TTLL1: variants seen among roughly 807,000 people sequenced by gnomAD.
TTLL1 encodes the protein polyglutamylase complex subunit TTLL1.
TTLL1 carries 33 observed loss-of-function variants against 47.8 expected under a neutral mutation model. The observed-to-expected ratio is 0.69, with a 90% CI of 0.52 to 0.92. The LOEUF (loss-of-function observed/expected upper bound fraction) is 0.92. TTLL1 is among the 40% of genes least tolerant of loss of function. TTLL1 has a pLI of 0.00. For synonymous variants in TTLL1, 225 were observed against 214.1 expected, an observed-to-expected ratio of 1.05 and a Z score of -0.45; for missense variants, 488 against 547.5, an observed-to-expected ratio of 0.89 and a Z score of 1.08.
At chr22:43,080,463 C>T (rs1331690028) in intron 1 of TTLL1, among the ~76,000 whole-genome samples, 1 of 152,084 alleles carries the variant, frequency 6.6e-6, no homozygotes, top group Non-Finnish European at 1.5e-5. Flanking sequence ...TAAGAGTCTT[C>T]CCATTACAGT....
chr22:43,047,818 T>A (rs1259208736), intron 9 of TTLL1, among the ~76,000 whole-genome samples: 1 of 152,088 alleles, frequency 6.6e-6, no homozygotes, highest in African/African-American at 2.4e-5. Context: ...ATGACCTTGG[T>A]TAGCTGTTTC....
At chr22:43,065,427 T>C (rs1430134565) in intron 5 of TTLL1, among the ~76,000 whole-genome samples, 1 of 151,592 alleles carries the variant, frequency 6.6e-6, no homozygotes, top group Admixed American at 6.6e-5. Context: ...GTAGCTGGGA[T>C]TACAGACGCC....
intron 3 of TTLL1, chr22:43,070,185 G>A (rs1164240488): frequency 2.2e-6 from 3 of 1,354,964 alleles, no homozygotes; most frequent in Admixed American, 4.4e-5. Flanking sequence ...TTCAGACTCT[G>A]AAGTCAGGAA....
At chr22:43,051,403 A>C (rs994903835) in intron 9 of TTLL1, among the ~76,000 whole-genome samples, 1 of 152,194 alleles carries the variant, frequency 6.6e-6, no homozygotes, top group South Asian at 2.1e-4. Context: ...TCCTTCCCTC[A>C]GGAGAGTGTG....
At chr22:43,045,367 T>C (rs1194719323) in intron 10 of TTLL1, among the ~76,000 whole-genome samples, 2 of 152,140 alleles carry the variant, frequency 1.3e-5, no homozygotes, top group African/African-American at 2.4e-5. Flanking sequence ...GGGAAAGGAA[T>C]TGATACTGTG....
chr22:43,069,555 G>A, intron 4 of TTLL1, 81 bp downstream of exon 4: 1 of 1,587,310 alleles, frequency 6.3e-7, no homozygotes, highest in South Asian at 1.2e-5. Context: ...AAAGCCAACA[G>A]TCACCACCTC....
intron 1 of TTLL1, among the ~76,000 whole-genome samples, chr22:43,086,996 T>C (rs1929266285): frequency 6.6e-6 from 1 of 152,164 alleles, no homozygotes; most frequent in Non-Finnish European, 1.5e-5. Flanking sequence ...AGGCCTTGTC[T>C]CTCACCAACC....
In TTLL1 at chr22:43,081,440, C is replaced by T. The variant is rs1031448756; in HGVS notation, c.-89-1454G>A. ...AGATGTGTTACGGGTTAAGTTGTGTCCCCACAAACTTATGGGGAAGTCCTA... is the reference window on the plus strand; with the variant it reads ...AGATGTGTTACGGGTTAAGTTGTGTTCCCACAAACTTATGGGGAAGTCCTA... On this transcript the variant is annotated intron_variant, in intron 1 of 10. Transcript: ENST00000266254. Among the ~76,000 whole-genome samples, 7 of 152,250 alleles carry T rather than the reference C, an allele frequency of 4.6e-5. No individual in the cohort carries two copies. In the South Asian group the frequency reaches 1.5e-3, roughly 32 times the overall value.
chr22:43,041,677 GCTAA>G (rs914256048), intron 10 of TTLL1, among the ~76,000 whole-genome samples: 38 of 151,476 alleles, frequency 2.5e-4, no homozygotes, highest in African/African-American at 8.8e-4. Context: ...ACCACGCCCG[GCTAA>G]CTTTTTGTAT....
intron 8 of TTLL1, among the ~76,000 whole-genome samples, chr22:43,057,894 G>C (rs1016282180): frequency 1.3e-5 from 2 of 151,500 alleles, no homozygotes; most frequent in African/African-American, 4.9e-5. Context: ...TCATATGCGA[G>C]TAACAAAACA....
At chr22:43,071,943 C>A (rs975171452) in intron 3 of TTLL1, among the ~76,000 whole-genome samples, 1 of 152,168 alleles carries the variant, frequency 6.6e-6, no homozygotes, top group African/African-American at 2.4e-5. Context: ...CGCTGTGGCA[C>A]GAGGGCTTCA....
intron 5 of TTLL1, among the ~76,000 whole-genome samples, chr22:43,068,187 C>T (rs1362343422): frequency 1.3e-5 from 2 of 151,316 alleles, no homozygotes; most frequent in Non-Finnish European, 2.9e-5. Context: ...CGTGGTGACG[C>T]ATGCCTGTAA....
chr22:43,045,612 A>AT (rs1926062518), intron 10 of TTLL1, among the ~76,000 whole-genome samples: 1 of 151,132 alleles, frequency 6.6e-6, no homozygotes, highest in South Asian at 2.1e-4. Flanking sequence ...CACCTGGTCT[A>AT]TTATACCAAT....
chr22:43,078,360 G>A (rs956661891), intron 2 of TTLL1, among the ~76,000 whole-genome samples: 1 of 152,106 alleles, frequency 6.6e-6, no homozygotes, highest in African/African-American at 2.4e-5. Context: ...GCTGGGCGTG[G>A]TGGCATGTGC....
intron 10 of TTLL1, among the ~76,000 whole-genome samples, chr22:43,042,890 T>C (rs1250515471): frequency 6.6e-6 from 1 of 151,760 alleles, no homozygotes; most frequent in East Asian, 1.9e-4. Flanking sequence ...GTTCACCTTG[T>C]TGTCTCTTCA....
chr22:43,078,088 C>A (rs1008224664), intron 2 of TTLL1, among the ~76,000 whole-genome samples: 7 of 151,554 alleles, frequency 4.6e-5, no homozygotes, highest in Admixed American at 4.6e-4. Flanking sequence ...ACCTGGGGGA[C>A]AGAGTGAGAC....
chr22:43,069,813 T>C lies in TTLL1; in HGVS notation c.145A>G (p.Ser49Gly), dbSNP rs1270681491. Residue 49 changes from serine (S) to glycine (G), a missense_variant, in exon 4 of 11, where the codon AGC becomes GGC. Ser to Gly is a moderately conservative substitution (Grantham distance 56). Transcript: ENST00000266254. The stretch of plus-strand genomic sequence containing the variant: ...GAGAGCCGATATCCAGCTTCAACGC[T>C]GAACACATTTCGGATGGTTTGCACA... ...MSVQTIRNVF[S>G]VEAGYRLSDD... 6.2e-7 allele frequency: 1 copy of C among 1,614,242 alleles called. No homozygotes were observed. Among genetic ancestry groups the C allele is most frequent in the Non-Finnish European group, 8.5e-7 (1 of 1,180,044 alleles).
At chr22:43,063,535 G>A (rs1927526253) in intron 7 of TTLL1, among the ~76,000 whole-genome samples, 1 of 150,414 alleles carries the variant, frequency 6.6e-6, no homozygotes, top group African/African-American at 2.4e-5. Flanking sequence ...GTGCAATCTC[G>A]GCTCACTGCA....
intron 7 of TTLL1, among the ~76,000 whole-genome samples, chr22:43,059,845 A>G (rs1394263180): frequency 1.3e-5 from 2 of 151,960 alleles, no homozygotes; most frequent in African/African-American, 4.8e-5. Flanking sequence ...ATGTGCCACT[A>G]TGCCTGGCTA....
Sources: allele counts gnomAD v4.1 joint callset (sites outside exome capture counted in the v4.1 genomes callset), GRCh38; gene constraint gnomAD v4.1.1; transcripts MANE v1.5; gene names NCBI Gene and HGNC (gene_info 2026-07-23, HGNC 2026-07-21).